Variants in CDH5 observed in about 807,000 individuals in gnomAD.
The protein encoded by CDH5 is cadherin 5.
A neutral mutation model predicts 62.0 loss-of-function variants in CDH5; 28 were observed. That is an observed-to-expected ratio of 0.45 (90% CI 0.33 to 0.62). The LOEUF is 0.62. CDH5 is among the 20% of genes least tolerant of loss of function. The pLI is 0.02. For synonymous variants in CDH5, 464 were observed against 445.8 expected, an observed-to-expected ratio of 1.04 and a Z score of -0.52; for missense variants, 940 against 1,065.1, an observed-to-expected ratio of 0.88 and a Z score of 1.63.
chr16:66,371,434 C>A (rs1279066908), intron 1 of CDH5, among the ~76,000 whole-genome samples: 2 of 152,144 alleles, frequency 1.3e-5, no homozygotes, highest in African/African-American at 2.4e-5. Context: ...CCAGAGGCTG[C>A]AGGAGGCTGG....
At chr16:66,370,227 T>C (rs1960661470) in intron 1 of CDH5, among the ~76,000 whole-genome samples, 1 of 152,162 alleles carries the variant, frequency 6.6e-6, no homozygotes. Context: ...TGCGAACTCC[T>C]GACCTCAGGT....
chr16:66,382,071 G>A (rs1183692866), intron 2 of CDH5, among the ~76,000 whole-genome samples: 1 of 152,228 alleles, frequency 6.6e-6, no homozygotes, highest in Non-Finnish European at 1.5e-5. Flanking sequence ...AAATGCCCCA[G>A]CAGACCTTGG....
intron 4 of CDH5, 36 bp downstream of exon 4, chr16:66,388,476 T>C (rs1443982749): frequency 1.4e-6 from 2 of 1,383,394 alleles, no homozygotes; most frequent in Non-Finnish European, 2.1e-6. Context: ...AGTCACTGAT[T>C]TGGAGGGACA....
intron 1 of CDH5, among the ~76,000 whole-genome samples, chr16:66,375,549 TA>T (rs1367033427): frequency 6.6e-6 from 1 of 150,826 alleles, no homozygotes; most frequent in Non-Finnish European, 1.5e-5. Context: ...AAGTAAAAAA[TA>T]AAAATAAAAA....
chr16:66,401,884 C>T (rs1402579818), intron 11 of CDH5, among the ~76,000 whole-genome samples: 1 of 152,212 alleles, frequency 6.6e-6, no homozygotes, highest in Admixed American at 6.5e-5. Flanking sequence ...CTGGCACTCA[C>T]GGCAAGGCCT....
intron 10 of CDH5, among the ~76,000 whole-genome samples, chr16:66,398,847 G>A (rs925191914): frequency 3.3e-5 from 5 of 152,188 alleles, no homozygotes; most frequent in Non-Finnish European, 7.4e-5. Context: ...GCTCCCACTG[G>A]GATTTTCAAA....
chr16:66,381,861 G>A (rs1567462580), intron 2 of CDH5, among the ~76,000 whole-genome samples: 1 of 152,256 alleles, frequency 6.6e-6, no homozygotes, highest in South Asian at 2.1e-4. Context: ...TTGAGTGGTG[G>A]TGACAAAGAC....
In CDH5 at chr16:66,392,800, C is replaced by CGGCG; in HGVS notation, c.1217+417_1217+418insGGCG. 20 of 183,022 alleles carry CGGCG rather than the reference C, an allele frequency of 1.1e-4. No individual in the cohort carries two copies. In the East Asian group the frequency reaches 2.3e-3, roughly 21 times the overall value. The allele number at this position is 183,022 out of a possible 1,614,324, so 11.3% of individuals were successfully genotyped here. On this transcript the variant is annotated intron_variant, in intron 7 of 11. Coordinates refer to ENST00000341529, the MANE Select transcript of CDH5 (RefSeq NM_001795.5). ...GAAGTGTTCATTTTATACAGTGAAA[C>CGGCG]AACACAGAGATCTACCAAGAAAACA...
At chr16:66,383,068 T>C (rs933365211) in intron 2 of CDH5, among the ~76,000 whole-genome samples, 3 of 152,018 alleles carry the variant, frequency 2.0e-5, no homozygotes, top group African/African-American at 4.8e-5. Context: ...TCCTGCAAAA[T>C]ACGTGACTCA....
Position 66,386,709 on chromosome 16 carries a change from A to G in CDH5, c.211-100A>G, listed in dbSNP as rs540604913. 9 of 1,064,954 alleles carry G rather than the reference A, an allele frequency of 8.5e-6. No individual in the cohort carries two copies. In the Admixed American group the frequency reaches 2.0e-4, roughly 24 times the overall value. 66.0% of individuals were successfully genotyped at this position (1,064,954 alleles called of 1,614,324 possible). On this transcript the variant is annotated intron_variant, in intron 2 of 11. Transcript: ENST00000341529. ...GGCCAGCACCACACACACCACATAC[A>G]CACATGCACAGGCACACCTGTGTAC...
At chr16:66,375,241 A>G (rs1339502077) in intron 1 of CDH5, among the ~76,000 whole-genome samples, 2 of 152,306 alleles carry the variant, frequency 1.3e-5, no homozygotes, top group East Asian at 3.9e-4. Context: ...GATACAATAA[A>G]ATTCCCATGT....
Position 66,404,367 on chromosome 16 carries a change from G to A in CDH5, c.*1198G>A, listed in dbSNP as rs1444901112. ...TTCACTGCAAACACACCTTGGAGAA[G>A]TGGCATCAGTCAACAGAGAGGGGCA... On this transcript the variant is annotated 3_prime_UTR_variant, in exon 12 of 12. Transcript: ENST00000341529. 1.3e-5 allele frequency: 2 copies of A among 152,536 alleles called. No individual in the cohort carries two copies. Among genetic ancestry groups the A allele is most frequent in the Non-Finnish European group, 1.5e-5 (1 of 68,070 alleles). The allele number at this position is 152,536 out of a possible 1,614,324, so 9.4% of individuals were successfully genotyped here.
At chr16:66,393,728 T>A (rs1437818539) in intron 7 of CDH5, among the ~76,000 whole-genome samples, 1 of 152,254 alleles carries the variant, frequency 6.6e-6, no homozygotes, top group Non-Finnish European at 1.5e-5. Context: ...CTTTTTTATT[T>A]GATATAATTT....
At position 66,387,161 on chromosome 16, in the gene CDH5, A is replaced by G. The variant is rs866291459; in HGVS notation, c.499+64A>G. 4.7e-5 allele frequency: 69 copies of G among 1,480,510 alleles called. 2 individuals carry two copies. In the South Asian group the frequency reaches 7.7e-4, roughly 16 times the overall value. The allele number at this position is 1,480,510 out of a possible 1,614,324, so 91.7% of individuals were successfully genotyped here. On this transcript the variant is annotated intron_variant, in intron 3 of 11. Coordinates refer to ENST00000341529, the MANE Select transcript of CDH5 (RefSeq NM_001795.5). ...TCCCCAGCCTGGGGGCACCTCTCACATCAGCCACTTCACTGCCTGGGGTAG... is the reference window on the plus strand; with the variant it reads ...TCCCCAGCCTGGGGGCACCTCTCACGTCAGCCACTTCACTGCCTGGGGTAG...
intron 4 of CDH5, 54 bp from the exon 5 acceptor site, chr16:66,389,304 A>G (rs1445675403): frequency 1.3e-6 from 2 of 1,558,156 alleles, no homozygotes; most frequent in Admixed American, 3.5e-5. Flanking sequence ...GGCCCTAGGC[A>G]TCGGTATTTT....
chr16:66,369,267 T>G (rs1409522864), intron 1 of CDH5, among the ~76,000 whole-genome samples: 1 of 151,710 alleles, frequency 6.6e-6, no homozygotes, highest in Non-Finnish European at 1.5e-5. Flanking sequence ...GAGTAGGAGG[T>G]GGGCCCAGAG....
chr16:66,372,851 C>G (rs1208933040), intron 1 of CDH5, among the ~76,000 whole-genome samples: 2 of 152,214 alleles, frequency 1.3e-5, no homozygotes, highest in African/African-American at 2.4e-5. Context: ...CATTTTGGGT[C>G]CTCCAGACCT....
chr16:66,371,839 C>T (rs550547776), intron 1 of CDH5, among the ~76,000 whole-genome samples: 797 of 74,442 alleles, frequency 0.011, 2 homozygotes, highest in Non-Finnish European at 0.017. Flanking sequence ...CCAGCTGGGT[C>T]CAGACTTCCT....
chr16:66,398,423 A>G (rs778050482), intron 9 of CDH5, 33 bp from the exon 10 acceptor site: 2 of 1,319,338 alleles, frequency 1.5e-6, no homozygotes, highest in Non-Finnish European at 2.2e-6. Flanking sequence ...CCCCACCACC[A>G]TCACTGACCA....
Sources: gnomAD v4.1 joint callset for allele counts (sites outside exome capture counted in the v4.1 genomes callset) on GRCh38, gnomAD v4.1.1 for gene constraint, MANE v1.5 for transcripts, NCBI Gene and HGNC (gene_info 2026-07-23, HGNC 2026-07-21) for gene names.